The following ABAT variants were observed in gnomAD, a reference collection of about 807,000 sequenced individuals.
ABAT encodes the protein 4-aminobutyrate aminotransferase, also known as 4-aminobutyrate aminotransferase, mitochondrial.
In ABAT, 45 loss-of-function variants were observed where a neutral mutation model predicts 64.6. That is an observed-to-expected ratio of 0.70 (90% CI 0.55 to 0.89). The LOEUF (loss-of-function observed/expected upper bound fraction) is 0.89, where lower values mean the gene tolerates loss of function less well. Among genes scored for constraint, ABAT ranks in the 40% least tolerant of loss-of-function variants. The pLI, the probability that ABAT is intolerant of heterozygous loss-of-function variation, is 0.00. For synonymous variants in ABAT, 297 were observed against 250.5 expected, an observed-to-expected ratio of 1.19 and a Z score of -1.75; for missense variants, 633 against 658.4, an observed-to-expected ratio of 0.96 and a Z score of 0.42.
At chr16:8,691,598 C>G (rs148246277) in intron 1 of ABAT, among the ~76,000 whole-genome samples, 1 of 152,190 alleles carries the variant, frequency 6.6e-6, no homozygotes, top group African/African-American at 2.4e-5. Context: ...CACCACCACA[C>G]TCGGCAACAT....
At chr16:8,689,529 C>G (rs1242365096) in intron 1 of ABAT, among the ~76,000 whole-genome samples, 1 of 152,222 alleles carries the variant, frequency 6.6e-6, no homozygotes, top group Non-Finnish European at 1.5e-5. Context: ...ATCATATGCA[C>G]AACTTCTACC....
intron 1 of ABAT, among the ~76,000 whole-genome samples, chr16:8,704,187 G>A (rs1424399403): frequency 2.0e-5 from 3 of 152,226 alleles, no homozygotes; most frequent in East Asian, 3.8e-4. Flanking sequence ...AAATTTGACT[G>A]GTTCAATGCT....
chr16:8,769,590 GAA>G (rs2060045848), intron 11 of ABAT, among the ~76,000 whole-genome samples: 2 of 148,672 alleles, frequency 1.3e-5, no homozygotes, highest in African/African-American at 2.5e-5. Context: ...GAGAGAGAGA[GAA>G]AGAAAGAATA....
intron 6 of ABAT, among the ~76,000 whole-genome samples, chr16:8,758,488 C>A (rs900468274): frequency 4.6e-5 from 7 of 152,080 alleles, no homozygotes; most frequent in South Asian, 4.1e-4. Context: ...CCAAGGAGGA[C>A]TGGAGTAGCA....
intron 1 of ABAT, among the ~76,000 whole-genome samples, chr16:8,731,741 A>C (rs1388692298): frequency 6.6e-6 from 1 of 152,058 alleles, no homozygotes. Context: ...TTTGTTGTAT[A>C]GTGAAGCTCC....
intron 1 of ABAT, among the ~76,000 whole-genome samples, chr16:8,679,948 G>A (rs189932146): frequency 1.1e-4 from 16 of 152,210 alleles, no homozygotes; most frequent in African/African-American, 2.9e-4. Flanking sequence ...TGTCTTGCCC[G>A]TTGCAGGGAT....
intron 1 of ABAT, among the ~76,000 whole-genome samples, chr16:8,694,731 G>GA (rs1238676526): frequency 6.6e-6 from 1 of 152,114 alleles, no homozygotes; most frequent in African/African-American, 2.4e-5. Flanking sequence ...CCACTTTGCT[G>GA]AAAAAAGCGG....
At chr16:8,726,683 G>A (rs889129079) in intron 1 of ABAT, among the ~76,000 whole-genome samples, 1 of 152,186 alleles carries the variant, frequency 6.6e-6, no homozygotes. Context: ...GATATACTGA[G>A]TTCCTTCCTT....
At chr16:8,699,814 C>G (rs951115338) in intron 1 of ABAT, among the ~76,000 whole-genome samples, 1 of 150,374 alleles carries the variant, frequency 6.7e-6, no homozygotes, top group Non-Finnish European at 1.5e-5. Flanking sequence ...CTTCTCTTCT[C>G]TCTCTTTCTC....
chr16:8,676,223 C>T (rs1331599879), intron 1 of ABAT, among the ~76,000 whole-genome samples: 4 of 152,078 alleles, frequency 2.6e-5, no homozygotes, highest in Non-Finnish European at 5.9e-5. Flanking sequence ...AGTCTGGAGT[C>T]CTAAGACCTA....
intron 14 of ABAT, among the ~76,000 whole-genome samples, chr16:8,777,214 T>C (rs1199936422): frequency 6.6e-6 from 1 of 152,152 alleles, no homozygotes; most frequent in East Asian, 1.9e-4. Flanking sequence ...TGGTTATCTT[T>C]TGACACCAAT....
chr16:8,748,314 T>C (rs143774171), intron 4 of ABAT, among the ~76,000 whole-genome samples, 177 bp downstream of exon 4: 101 of 152,372 alleles, frequency 6.6e-4, no homozygotes, highest in African/African-American at 2.3e-3. Context: ...ACTTACATGA[T>C]GTTTAATTTC....
At chr16:8,709,025 C>T (rs981068301) in intron 1 of ABAT, among the ~76,000 whole-genome samples, 2 of 152,042 alleles carry the variant, frequency 1.3e-5, no homozygotes, top group South Asian at 2.1e-4. Context: ...GGGGGTGTGC[C>T]GTAAGCATAA....
rs151086070 is a variant in ABAT at position 8,690,191 on chromosome 16, A to G, written c.-42+15480A>G. Among the ~76,000 whole-genome samples the G allele has an allele frequency of 7.7e-3, 1,179 of 152,316 alleles. 16 individuals carry two copies. The highest frequency in any genetic ancestry group is 0.027 in the African/African-American group (1,121 of 41,578). ...TGCAGTCAGCCCAGGTTCTGGCAGC[A>G]GCAGCATCTGCCTGGCACCATCTCA... On this transcript the variant is annotated intron_variant, in intron 1 of 15. Transcript: ENST00000268251.
chr16:8,732,289 T>C (rs2058749740), intron 1 of ABAT, among the ~76,000 whole-genome samples: 2 of 147,034 alleles, frequency 1.4e-5, no homozygotes, highest in African/African-American at 5.3e-5. Flanking sequence ...GGCAGGGTCA[T>C]AGGACAATAG....
intron 1 of ABAT, among the ~76,000 whole-genome samples, chr16:8,721,269 T>C (rs2058362417): frequency 6.6e-6 from 1 of 152,168 alleles, no homozygotes. Context: ...CACAGGCTTT[T>C]TTCTCCCTGT....
intron 2 of ABAT, among the ~76,000 whole-genome samples, chr16:8,739,990 C>G (rs1178721298): frequency 6.6e-6 from 1 of 151,458 alleles, no homozygotes; most frequent in African/African-American, 2.4e-5. Context: ...AATACGTGTA[C>G]TCTCGTACAC....
intron 1 of ABAT, among the ~76,000 whole-genome samples, chr16:8,716,657 A>G (rs757115687): frequency 9.9e-5 from 15 of 152,156 alleles, no homozygotes; most frequent in Non-Finnish European, 1.9e-4. Flanking sequence ...TGGGTCCCAC[A>G]CATCATGTAG....
intron 10 of ABAT, 50 bp downstream of exon 10, chr16:8,768,306 T>C (rs773628864): frequency 1.4e-5 from 22 of 1,576,780 alleles, no homozygotes; most frequent in Middle Eastern, 2.0e-4. Flanking sequence ...ATAGTAATAA[T>C]AACGGCAACA....
Sources: gnomAD v4.1 joint callset for allele counts (sites outside exome capture counted in the v4.1 genomes callset) on GRCh38, gnomAD v4.1.1 for gene constraint, MANE v1.5 for transcripts, NCBI Gene and HGNC (gene_info 2026-07-23, HGNC 2026-07-21) for gene names.